The following E2F3 variants were observed in gnomAD, a reference collection of about 807,000 sequenced individuals.
E2F3 encodes E2F transcription factor 3.
E2F3 carries 11 observed loss-of-function variants against 44.4 expected under a neutral mutation model. The ratio of observed to expected loss-of-function variants is 0.25; its 90% CI spans 0.16 to 0.41. The LOEUF (loss-of-function observed/expected upper bound fraction) is 0.41. E2F3 is among the 10% of genes least tolerant of loss of function. The pLI, the probability that E2F3 is intolerant of heterozygous loss-of-function variation, is 1.00. For synonymous variants in E2F3, 249 were observed against 253.0 expected, an observed-to-expected ratio of 0.98 and a Z score of 0.15; for missense variants, 487 against 583.6, an observed-to-expected ratio of 0.83 and a Z score of 1.70.
chr6:20,464,314 A>C (rs1400320988), intron 1 of E2F3, among the ~76,000 whole-genome samples: 1 of 152,206 alleles, frequency 6.6e-6, no homozygotes, highest in Non-Finnish European at 1.5e-5. Flanking sequence ...TTTATCAGAC[A>C]CTGAAGAATC....
At chr6:20,480,418 T>C (rs1762183916) in intron 2 of E2F3, among the ~76,000 whole-genome samples, 2 of 152,178 alleles carry the variant, frequency 1.3e-5, no homozygotes, top group South Asian at 4.1e-4. Flanking sequence ...CAAATACTAT[T>C]ACCGTTTCTT....
intron 1 of E2F3, among the ~76,000 whole-genome samples, chr6:20,448,464 T>TACACAC: frequency 6.6e-6 from 1 of 150,712 alleles, no homozygotes; most frequent in Admixed American, 6.6e-5. Context: ...TGTATATGTA[T>TACACAC]ACACACACAC....
At chr6:20,489,463 C>T (rs570777061) in intron 6 of E2F3, among the ~76,000 whole-genome samples, 25 of 151,756 alleles carry the variant, frequency 1.6e-4, no homozygotes, top group African/African-American at 5.3e-4. Flanking sequence ...CATAGCAAGA[C>T]GCCGTCTCTT....
chr6:20,407,642 A>G (rs1191542857), intron 1 of E2F3, among the ~76,000 whole-genome samples: 3 of 152,232 alleles, frequency 2.0e-5, no homozygotes, highest in East Asian at 3.8e-4. Context: ...ATCTGCAAAG[A>G]TATATCATCC....
rs200373579 is a variant in E2F3 at position 20,437,143 on chromosome 6, C to CA, written c.393+34519dup. 9.8e-4 allele frequency among the ~76,000 whole-genome samples: 149 copies of CA among 152,302 alleles called. 3 individuals are homozygous for CA. In the East Asian group the frequency reaches 0.017, roughly 17 times the overall value. On this transcript the variant is annotated intron_variant, in intron 1 of 6. Coordinates refer to ENST00000346618, the MANE Select transcript of E2F3 (RefSeq NM_001949.5). ...ACTCAGTCTCTTAAAAATTTAAAGT[C>CA]ATTATTCCCAGGTGGAGTGTACTAC...
intron 1 of E2F3, among the ~76,000 whole-genome samples, chr6:20,471,455 G>A (rs1341692975): frequency 1.3e-5 from 2 of 152,096 alleles, no homozygotes; most frequent in African/African-American, 2.4e-5. Flanking sequence ...GGTGGTGCAC[G>A]CCTGTAATCC....
intron 4 of E2F3, among the ~76,000 whole-genome samples, chr6:20,485,207 G>A (rs1433640642): frequency 1.3e-5 from 2 of 152,066 alleles, no homozygotes; most frequent in East Asian, 1.9e-4. Flanking sequence ...TTGTCATATC[G>A]TAAGTACCAT....
At chr6:20,467,220 G>A (rs1215264803) in intron 1 of E2F3, among the ~76,000 whole-genome samples, 4 of 152,104 alleles carry the variant, frequency 2.6e-5, no homozygotes, top group South Asian at 4.1e-4. Flanking sequence ...TTAAAGGGGC[G>A]CCCCTAATCG....
At chr6:20,476,114 G>C (rs1430188175) in intron 1 of E2F3, among the ~76,000 whole-genome samples, 1 of 151,968 alleles carries the variant, frequency 6.6e-6, no homozygotes, top group East Asian at 2.0e-4. Flanking sequence ...GCTCACGCCT[G>C]TAATCCCAGC....
In E2F3 at chr6:20,490,434, T is replaced by C; in HGVS notation, c.*4T>C. 6.4e-7 allele frequency: 1 copy of C among 1,555,546 alleles called. No individual in the cohort carries two copies. ...GGAAGACTTCATGTGTAGTTGATTA[T>C]GCTTCGTGTGAACTCTCCTTAAAAA... On this transcript the variant is annotated 3_prime_UTR_variant, in exon 7 of 7. Transcript: ENST00000346618. This position sits in a 1 kb window ranked among gnomAD's most constrained non-coding sequence, Gnocchi z 4.3.
chr6:20,469,104 G>C (rs1296558965), intron 1 of E2F3, among the ~76,000 whole-genome samples: 1 of 152,186 alleles, frequency 6.6e-6, no homozygotes, highest in Non-Finnish European at 1.5e-5. Flanking sequence ...GTGCCAACGA[G>C]CTAGAAAGAC....
At chr6:20,431,441 G>T (rs1760396526) in intron 1 of E2F3, among the ~76,000 whole-genome samples, 1 of 152,124 alleles carries the variant, frequency 6.6e-6, no homozygotes, top group Non-Finnish European at 1.5e-5. Flanking sequence ...TGCCTCAGGT[G>T]CCAGGAGCAC....
At chr6:20,445,450 G>A (rs1760911619) in intron 1 of E2F3, among the ~76,000 whole-genome samples, 1 of 152,074 alleles carries the variant, frequency 6.6e-6, no homozygotes, top group Non-Finnish European at 1.5e-5. Flanking sequence ...ATGTTGGCCA[G>A]GCTGGTCTCG....
At chr6:20,471,811 T>C (rs1761899119) in intron 1 of E2F3, among the ~76,000 whole-genome samples, 1 of 152,186 alleles carries the variant, frequency 6.6e-6, no homozygotes, top group African/African-American at 2.4e-5. Context: ...ACTCATTTAA[T>C]TTGACTTCCC....
intron 1 of E2F3, among the ~76,000 whole-genome samples, chr6:20,467,458 G>T (rs1198821191): frequency 2.0e-5 from 3 of 152,142 alleles, no homozygotes; most frequent in African/African-American, 7.2e-5. Context: ...GGAAGCTGAT[G>T]ATACCAATCT....
intron 1 of E2F3, among the ~76,000 whole-genome samples, chr6:20,435,364 G>A (rs1760539605): frequency 6.6e-6 from 1 of 152,190 alleles, no homozygotes; most frequent in African/African-American, 2.4e-5. Flanking sequence ...TGATTTGCTA[G>A]TGAGACCAGA....
chr6:20,481,495 T>C, intron 3 of E2F3, 70 bp downstream of exon 3: 3 of 1,359,932 alleles, frequency 2.2e-6, no homozygotes, highest in Non-Finnish European at 3.1e-6. Flanking sequence ...TCTTAGTTCC[T>C]CACTTTCACA....
At chr6:20,436,922 CCAGCCTGGG>C (rs1189969193) in intron 1 of E2F3, among the ~76,000 whole-genome samples, 1 of 152,110 alleles carries the variant, frequency 6.6e-6, no homozygotes, top group Non-Finnish European at 1.5e-5. Context: ...GAGTTTGAAA[CCAGCCTGGG>C]CAGCACAGTG....
chr6:20,441,020 A>G (rs1329201591), intron 1 of E2F3, among the ~76,000 whole-genome samples: 1 of 152,226 alleles, frequency 6.6e-6, no homozygotes, highest in Non-Finnish European at 1.5e-5. Flanking sequence ...GGCATCCGAA[A>G]CACACAGTTT....
Sources: gnomAD v4.1 joint callset for allele counts (sites outside exome capture counted in the v4.1 genomes callset) on GRCh38, gnomAD v4.1.1 for gene constraint, Gnocchi (gnomAD v3.1) non-coding constraint, MANE v1.5 for transcripts, NCBI Gene and HGNC (gene_info 2026-07-23, HGNC 2026-07-21) for gene names.